The following LDLRAD4 variants were observed in gnomAD, a reference collection of about 807,000 sequenced individuals.
LDLRAD4 encodes the protein low density lipoprotein receptor class A domain containing 4.
Under a neutral mutation model 17.0 loss-of-function variants are expected in LDLRAD4, and 5 were observed. That is an observed-to-expected ratio of 0.29 (90% CI 0.15 to 0.62). LDLRAD4 has a LOEUF of 0.62. Ranked by LOEUF, LDLRAD4 falls within the 20% of genes least tolerant of loss-of-function variation. The pLI, the probability that LDLRAD4 is intolerant of heterozygous loss-of-function variation, is 0.84. For synonymous variants in LDLRAD4, 168 were observed against 171.8 expected, an observed-to-expected ratio of 0.98 and a Z score of 0.17; for missense variants, 340 against 424.7, an observed-to-expected ratio of 0.80 and a Z score of 1.75.
At chr18:13,347,692 G>A (rs1457987930) in intron 1 of LDLRAD4, among the ~76,000 whole-genome samples, 9 of 152,278 alleles carry the variant, frequency 5.9e-5, no homozygotes, top group South Asian at 2.1e-4. Context: ...CATTCTCCCC[G>A]TCACTTTCAG....
At position 13,463,787 on chromosome 18, in the gene LDLRAD4, C is replaced by T. The variant is rs576745101; in HGVS notation, c.181+25403C>T. On this transcript the variant is annotated intron_variant, in intron 3 of 5. Transcript: ENST00000359446. ...CACCCCCGCCTTTAGGGAGCTGCAG[C>T]AGCTAAGAAACATGTACTGCAGAAT... is the stretch of plus-strand genomic sequence containing the variant. 4.6e-5 allele frequency among the ~76,000 whole-genome samples: 7 copies of T among 152,326 alleles called. No individual in the cohort carries two copies. The South Asian group carries it at 1.5e-3, about 32-fold the overall frequency.
intron 3 of LDLRAD4, chr18:13,487,586 A>G (rs1353518834): frequency 1.3e-5 from 2 of 152,270 alleles, no homozygotes; most frequent in Admixed American, 6.5e-5. Context: ...TGCATTAGCT[A>G]GCTAACTTGT....
At chr18:13,519,444 A>G (rs80238004) in intron 3 of LDLRAD4, among the ~76,000 whole-genome samples, 2,473 of 152,282 alleles carry the variant, frequency 0.016, 61 homozygotes, top group African/African-American at 0.049. Flanking sequence ...CCTTTTCTAA[A>G]AAGACTTGAC....
At chr18:13,359,449 A>G (rs1484731254) in intron 1 of LDLRAD4, among the ~76,000 whole-genome samples, 2 of 152,180 alleles carry the variant, frequency 1.3e-5, no homozygotes, top group African/African-American at 2.4e-5. Flanking sequence ...GACTTGCCCA[A>G]CAATGGAATG....
chr18:13,433,756 C>G (rs1016916872), intron 2 of LDLRAD4, among the ~76,000 whole-genome samples: 1 of 152,106 alleles, frequency 6.6e-6, no homozygotes, highest in Non-Finnish European at 1.5e-5. Context: ...TTCCATTTCC[C>G]CCCTAGTTTT....
At chr18:13,240,619 T>G (rs2042588446) in intron 1 of LDLRAD4, 1 of 152,442 alleles carries the variant, frequency 6.6e-6, no homozygotes, top group African/African-American at 2.4e-5. Context: ...TGTGTGCATG[T>G]GTGTGCTTGT....
intron 2 of LDLRAD4, among the ~76,000 whole-genome samples, chr18:13,437,874 T>C (rs993841125): frequency 6.6e-6 from 1 of 152,302 alleles, no homozygotes; most frequent in African/African-American, 2.4e-5. Flanking sequence ...TTCTCGGAAG[T>C]GTGGAGAACT....
At chr18:13,374,126 C>T (rs916787548) in intron 1 of LDLRAD4, among the ~76,000 whole-genome samples, 22 of 152,340 alleles carry the variant, frequency 1.4e-4, no homozygotes, top group South Asian at 6.2e-4. Context: ...GATAATTACA[C>T]GTAAATGTTG....
At chr18:13,250,556 A>G (rs954611867) in intron 1 of LDLRAD4, among the ~76,000 whole-genome samples, 23 of 152,226 alleles carry the variant, frequency 1.5e-4, no homozygotes, top group African/African-American at 5.3e-4. Context: ...GAAACATCAC[A>G]ATGGATACCA....
At chr18:13,481,679 C>T (rs112471902) in intron 3 of LDLRAD4, among the ~76,000 whole-genome samples, 3 of 149,476 alleles carry the variant, frequency 2.0e-5, no homozygotes, top group Non-Finnish European at 3.0e-5. Flanking sequence ...ATTCAACAGG[C>T]GTTTATCAAG....
intron 1 of LDLRAD4, among the ~76,000 whole-genome samples, chr18:13,356,680 G>T (rs1485313148): frequency 6.6e-6 from 1 of 152,228 alleles, no homozygotes; most frequent in South Asian, 2.1e-4. Flanking sequence ...GCCGCCCCAG[G>T]AATCACCTCT....
In LDLRAD4 at chr18:13,467,086, A is replaced by G. The variant is rs74496123; in HGVS notation, c.181+28702A>G. On this transcript the variant is annotated intron_variant, in intron 3 of 5. Transcript: ENST00000359446. The stretch of plus-strand genomic sequence containing the variant: ...AAAGCTTTAAACCCTAAGACAAGGA[A>G]CAAGAGAGGATACCCACTTTTACCA... Among the ~76,000 whole-genome samples, 358 of 152,358 alleles carry G rather than the reference A, an allele frequency of 2.3e-3. 2 individuals carry two copies. Among genetic ancestry groups the G allele is most frequent in the African/African-American group, 8.1e-3 (336 of 41,594 alleles).
chr18:13,539,341 T>G (rs1239722175), intron 3 of LDLRAD4, among the ~76,000 whole-genome samples: 1 of 152,172 alleles, frequency 6.6e-6, no homozygotes, highest in Non-Finnish European at 1.5e-5. Context: ...AGGTAATTGC[T>G]CAGTCCCTAA....
intron 1 of LDLRAD4, among the ~76,000 whole-genome samples, chr18:13,369,359 C>T (rs970519529): frequency 1.1e-4 from 16 of 152,186 alleles, no homozygotes; most frequent in Admixed American, 3.9e-4. Flanking sequence ...AGGTGTCAGG[C>T]GCTCTGTAAG....
chr18:13,538,135 T>C (rs1239580298), intron 3 of LDLRAD4, among the ~76,000 whole-genome samples: 1 of 152,196 alleles, frequency 6.6e-6, no homozygotes, highest in Non-Finnish European at 1.5e-5. Context: ...CCAGCTTTTC[T>C]CTTCATTCAT....
intron 3 of LDLRAD4, among the ~76,000 whole-genome samples, chr18:13,451,943 G>A (rs2091861973): frequency 6.6e-6 from 1 of 152,212 alleles, no homozygotes; most frequent in South Asian, 2.1e-4. Flanking sequence ...GCCTAGCAGT[G>A]CTTCCCATTT....
At chr18:13,403,163 A>T (rs188027592) in intron 2 of LDLRAD4, among the ~76,000 whole-genome samples, 1 of 152,380 alleles carries the variant, frequency 6.6e-6, no homozygotes, top group East Asian at 1.9e-4. Flanking sequence ...TAATAGACGG[A>T]TGCATGCCAG....
chr18:13,594,954 A>G (rs1290528012), intron 3 of LDLRAD4, among the ~76,000 whole-genome samples: 2 of 151,816 alleles, frequency 1.3e-5, no homozygotes, highest in Non-Finnish European at 2.9e-5. Context: ...TTTCTTCTTG[A>G]TTTAGTTTTG....
intron 3 of LDLRAD4, among the ~76,000 whole-genome samples, chr18:13,609,328 C>G (rs1340657691): frequency 6.6e-6 from 1 of 152,172 alleles, no homozygotes; most frequent in Non-Finnish European, 1.5e-5. Context: ...CTCGGAACTT[C>G]CTTTCTGAAG....
Sources: gnomAD v4.1 joint callset for allele counts (sites outside exome capture counted in the v4.1 genomes callset) on GRCh38, gnomAD v4.1.1 for gene constraint, MANE v1.5 for transcripts, NCBI Gene and HGNC (gene_info 2026-07-23, HGNC 2026-07-21) for gene names.